TMEM132D: variants seen among roughly 807,000 people sequenced by gnomAD.
TMEM132D encodes the protein mature OL transmembrane protein.
TMEM132D carries 21 observed loss-of-function variants against 62.3 expected under a neutral mutation model. The observed-to-expected ratio is 0.34, with a 90% CI of 0.24 to 0.49. The LOEUF (loss-of-function observed/expected upper bound fraction) is 0.49. TMEM132D is among the 20% of genes least tolerant of loss of function. The probability of loss-of-function intolerance (pLI) is 0.99; values close to 1 mark genes in which losing one functional copy is unlikely to be tolerated. For missense variants in TMEM132D, 1,346 were observed against 1,402.8 expected (o/e 0.96, Z 0.65); for synonymous variants, 621 against 575.6 (o/e 1.08, Z -1.13).
chr12:129,694,122 T>C lies in TMEM132D; in HGVS notation c.968+5688A>G, dbSNP rs568944409. Reference sequence around the variant, plus strand: ...CATTTCCTTTGCTGTGTGTCTCTTGTTTAAATTCTTTTAAACTAAAAAGGC... The same window carrying C: ...CATTTCCTTTGCTGTGTGTCTCTTGCTTAAATTCTTTTAAACTAAAAAGGC... On this transcript the variant is annotated intron_variant, in intron 2 of 8. Transcript: ENST00000422113. Among the ~76,000 whole-genome samples, 4 of 152,350 alleles carry C rather than the reference T, an allele frequency of 2.6e-5. No homozygotes were observed. The South Asian group carries it at 6.2e-4, about 24-fold the overall frequency.
rs200741271 is a variant in TMEM132D, at chr12:129,780,350, C to T, written c.80-79652G>A. On this transcript the variant is annotated intron_variant, in intron 1 of 8. Coordinates refer to ENST00000422113, the MANE Select transcript of TMEM132D (RefSeq NM_133448.3). ...ATTTGTTGGTGGGGAGGGGGGGGGC[C>T]GGGGGGGCACAAAATGTTTTTAAAT... Among the ~76,000 whole-genome samples the T allele has an allele frequency of 2.6e-4, 34 of 128,980 alleles. No individual in the cohort carries two copies. In the South Asian group the frequency reaches 6.0e-3, roughly 23 times the overall value. 84.6% of individuals were successfully genotyped at this position (128,980 alleles called of 152,430 possible).
At chr12:129,485,047 G>A (rs908062464) in intron 3 of TMEM132D, among the ~76,000 whole-genome samples, 3 of 152,180 alleles carry the variant, frequency 2.0e-5, no homozygotes, top group Non-Finnish European at 2.9e-5. Context: ...TGTTAAGACC[G>A]TGAGATAAGC....
At chr12:129,556,466 CT>C (rs145670865) in intron 2 of TMEM132D, among the ~76,000 whole-genome samples, 3,107 of 148,112 alleles carry the variant, frequency 0.021, 85 homozygotes, top group African/African-American at 0.07. Flanking sequence ...TGGGGTGGAG[CT>C]TTTTTTTTTC....
intron 2 of TMEM132D, among the ~76,000 whole-genome samples, chr12:129,673,766 A>G (rs543672951): frequency 6.6e-6 from 1 of 152,272 alleles, no homozygotes; most frequent in African/African-American, 2.4e-5. Context: ...GGAAAAACCA[A>G]TTTCCAACCT....
At chr12:129,578,691 G>A (rs188197959) in intron 2 of TMEM132D, among the ~76,000 whole-genome samples, 93 of 152,180 alleles carry the variant, frequency 6.1e-4, no homozygotes, top group African/African-American at 2.1e-3. Flanking sequence ...AGAGAACTGG[G>A]GAGCTAATGG....
At chr12:129,134,116 T>TTGTG (rs141367054) in intron 5 of TMEM132D, among the ~76,000 whole-genome samples, 75 of 144,468 alleles carry the variant, frequency 5.2e-4, no homozygotes, top group Admixed American at 1.1e-3. Flanking sequence ...TGTCTGTGTG[T>TTGTG]TGTGTGTGTG....
At chr12:129,667,216 T>C (rs1880398649) in intron 2 of TMEM132D, among the ~76,000 whole-genome samples, 1 of 152,180 alleles carries the variant, frequency 6.6e-6, no homozygotes, top group Non-Finnish European at 1.5e-5. Flanking sequence ...TACCTTACGG[T>C]CAAACTAATT....
At chr12:129,624,269 G>A (rs773212111) in intron 2 of TMEM132D, among the ~76,000 whole-genome samples, 10 of 152,174 alleles carry the variant, frequency 6.6e-5, no homozygotes, top group South Asian at 6.2e-4. Flanking sequence ...GGAGTCCAAT[G>A]CAAAAGCTTC....
chr12:129,579,474 C>T (rs1877779917), intron 2 of TMEM132D, among the ~76,000 whole-genome samples: 1 of 152,156 alleles, frequency 6.6e-6, no homozygotes, highest in Non-Finnish European at 1.5e-5. Context: ...CAGTCTGAGT[C>T]CCAAAGCCTC....
intron 2 of TMEM132D, among the ~76,000 whole-genome samples, chr12:129,697,224 G>C (rs1366867200): frequency 1.3e-5 from 2 of 152,170 alleles, no homozygotes; most frequent in Non-Finnish European, 2.9e-5. Flanking sequence ...AGCGCCCAAG[G>C]ATACTTGGCT....
chr12:129,781,039 G>A (rs1359098665), intron 1 of TMEM132D, among the ~76,000 whole-genome samples: 2 of 152,162 alleles, frequency 1.3e-5, no homozygotes, highest in East Asian at 3.9e-4. Context: ...TGGGCTCAAA[G>A]GCATCTTTTG....
intron 1 of TMEM132D, among the ~76,000 whole-genome samples, chr12:129,819,227 A>C (rs61942095): frequency 0.69 from 98,997 of 143,230 alleles, 33,150 homozygotes; most frequent in Non-Finnish European, 0.76. Context: ...CCTTCTACCT[A>C]CCCCACAGTG....
At chr12:129,801,410 ACC>A (rs1187611925) in intron 1 of TMEM132D, among the ~76,000 whole-genome samples, 2 of 151,002 alleles carry the variant, frequency 1.3e-5, no homozygotes, top group Admixed American at 1.3e-4. Flanking sequence ...ACTGGGAGGC[ACC>A]CCCCAGCAGG....
At chr12:129,186,126 G>A (rs541332370) in intron 5 of TMEM132D, among the ~76,000 whole-genome samples, 30 of 152,168 alleles carry the variant, frequency 2.0e-4, no homozygotes, top group African/African-American at 7.0e-4. Flanking sequence ...GTTCCGCTGC[G>A]GGGAGTCCAC....
intron 2 of TMEM132D, among the ~76,000 whole-genome samples, chr12:129,678,500 T>G (rs1469750922): frequency 6.6e-6 from 1 of 152,170 alleles, no homozygotes; most frequent in African/African-American, 2.4e-5. Context: ...GGCTATTTGC[T>G]TTGAATTATA....
intron 2 of TMEM132D, among the ~76,000 whole-genome samples, chr12:129,540,342 C>T (rs941901574): frequency 1.3e-5 from 2 of 152,084 alleles, no homozygotes; most frequent in African/African-American, 4.8e-5. Flanking sequence ...CTGTTAGAGG[C>T]TCTGAAGTCA....
intron 4 of TMEM132D, among the ~76,000 whole-genome samples, chr12:129,225,142 G>A (rs1005703968): frequency 5.9e-5 from 9 of 152,272 alleles, no homozygotes; most frequent in African/African-American, 1.2e-4. Context: ...TCTCATCTGC[G>A]AAATCGGGAC....
intron 4 of TMEM132D, among the ~76,000 whole-genome samples, chr12:129,300,639 G>A (rs1165045473): frequency 6.6e-6 from 1 of 152,034 alleles, no homozygotes; most frequent in Admixed American, 6.6e-5. Context: ...TCTTTTTCCT[G>A]TCAATGCTGA....
intron 3 of TMEM132D, among the ~76,000 whole-genome samples, chr12:129,479,102 G>C (rs116727433): frequency 6.6e-6 from 1 of 152,158 alleles, no homozygotes; most frequent in African/African-American, 2.4e-5. Flanking sequence ...TGTTCAGACA[G>C]AGTTCTTTGA....
Sources: allele counts gnomAD v4.1 joint callset (sites outside exome capture counted in the v4.1 genomes callset), GRCh38; gene constraint gnomAD v4.1.1; transcripts MANE v1.5; gene names NCBI Gene and HGNC (gene_info 2026-07-23, HGNC 2026-07-21).